Variants in DNAH9 observed in about 807,000 individuals in gnomAD.
The protein encoded by DNAH9 is DNAH9 variant protein.
In DNAH9, 345 loss-of-function variants were observed where a neutral mutation model predicts 471.6. The ratio of observed to expected loss-of-function variants is 0.73; its 90% CI spans 0.67 to 0.80. The LOEUF is 0.80. Among genes scored for constraint, DNAH9 ranks in the 30% least tolerant of loss-of-function variants. The probability of loss-of-function intolerance (pLI) is 0.00; values close to 1 mark genes in which losing one functional copy is unlikely to be tolerated. For missense variants in DNAH9, 5,407 were observed against 5,609.2 expected (o/e 0.96, Z 1.15); for synonymous variants, 2,093 against 2,123.6 (o/e 0.99, Z 0.40).
intron 35 of DNAH9, among the ~76,000 whole-genome samples, 173 bp from the exon 36 acceptor site, chr17:11,763,267 G>A (rs535223779): frequency 7.1e-4 from 108 of 152,152 alleles, no homozygotes; most frequent in South Asian, 2.3e-3. Flanking sequence ...GGAAGCTGGC[G>A]CGAGAACAGC....
Position 11,902,844 on chromosome 17 carries a change from C to G in DNAH9, c.11532C>G (p.Asn3844Lys). 1 of 1,614,008 alleles carries G rather than the reference C, an allele frequency of 6.2e-7. No homozygotes were observed. The highest frequency in any genetic ancestry group is 8.5e-7 in the Non-Finnish European group (1 of 1,179,876). Reference sequence around the variant, plus strand: ...AGAAGCTCCCACAGGAGTGGAAGAACAAGACAGCCCTGCAGCGCCTCTGCA... The same window carrying G: ...AGAAGCTCCCACAGGAGTGGAAGAAGAAGACAGCCCTGCAGCGCCTCTGCA... ...EKEKLPQEWK[N>K]KTALQRLCML... is the part of the protein sequence containing the mutation. The change falls in exon 60 of 69, where the codon AAC becomes AAG. Residue 3844 changes from asparagine to lysine, a missense_variant. Transcript: ENST00000262442.
At position 11,854,068 on chromosome 17, in the gene DNAH9, G is replaced by A. The variant is rs575939836; in HGVS notation, c.9573G>A (p.Ala3191=). 10 of 1,614,154 alleles carry A rather than the reference G, an allele frequency of 6.2e-6. No homozygotes were observed. The highest frequency in any genetic ancestry group is 4.0e-5 in the African/African-American group (3 of 75,024). ...PPLAVSNVSA[A]VMVLMAPRGR... ...TGGCCGTCAGCAATGTCAGCGCTGC[G>A]GTGATGGTACTGATGGCTCCCAGGG... Residue 3191 remains alanine, a synonymous_variant, in exon 50 of 69, where the codon GCG becomes GCA. Transcript: ENST00000262442.
chr17:11,894,956 C>G (rs1202990347), intron 59 of DNAH9, among the ~76,000 whole-genome samples: 1 of 152,172 alleles, frequency 6.6e-6, no homozygotes, highest in African/African-American at 2.4e-5. Context: ...CAGTTAATAA[C>G]AGCTCTTATC....
chr17:11,924,856 T>C (rs1974265901), intron 62 of DNAH9, among the ~76,000 whole-genome samples: 1 of 152,092 alleles, frequency 6.6e-6, no homozygotes, highest in African/African-American at 2.4e-5. Flanking sequence ...ACTTCAGAAC[T>C]CAAGTGATCT....
intron 67 of DNAH9, among the ~76,000 whole-genome samples, chr17:11,954,770 A>G (rs74661662): frequency 1.5e-5 from 1 of 64,922 alleles, no homozygotes; most frequent in Non-Finnish European, 3.7e-5. Flanking sequence ...ACTTCGTCTT[A>G]AAAAAAAAAA....
chr17:11,658,155 CG>C (rs956128436), intron 14 of DNAH9, among the ~76,000 whole-genome samples: 1 of 152,042 alleles, frequency 6.6e-6, no homozygotes, highest in African/African-American at 2.4e-5. Context: ...TTTATGAACC[CG>C]GCATATCTCT....
In DNAH9 at chr17:11,969,604, C is replaced by A; in HGVS notation, c.*77C>A. 8.6e-7 allele frequency: 1 copy of A among 1,162,468 alleles called. No individual in the cohort carries two copies. The highest frequency in any genetic ancestry group is 1.2e-6 in the Non-Finnish European group (1 of 838,032). The allele number at this position is 1,162,468 out of a possible 1,614,324, so 72.0% of individuals were successfully genotyped here. On this transcript the variant is annotated 3_prime_UTR_variant, in exon 69 of 69. Coordinates refer to ENST00000262442, the MANE Select transcript of DNAH9 (RefSeq NM_001372.4). ...AGAGGGACAGGTGGGTGAAGGGTCA[C>A]CACAGACACTTAGAACGGTAAGAAA...
chr17:11,958,111 A>T (rs1975757878), intron 67 of DNAH9, among the ~76,000 whole-genome samples: 1 of 152,198 alleles, frequency 6.6e-6, no homozygotes, highest in East Asian at 1.9e-4. Context: ...AAGCCATGAA[A>T]AGAAACAGAG....
chr17:11,791,254 C>T (rs1042997316), intron 41 of DNAH9, among the ~76,000 whole-genome samples: 1 of 152,096 alleles, frequency 6.6e-6, no homozygotes, highest in Non-Finnish European at 1.5e-5. Flanking sequence ...ACTTTGAAGG[C>T]TTCTTTTATT....
intron 12 of DNAH9, among the ~76,000 whole-genome samples, chr17:11,650,364 T>A (rs1420585424): frequency 6.6e-6 from 1 of 152,024 alleles, no homozygotes; most frequent in East Asian, 1.9e-4. Flanking sequence ...AAGAAGAGAG[T>A]GCCTGGAAAC....
chr17:11,690,366 T>A lies in DNAH9; in HGVS notation c.4544T>A (p.Val1515Glu). Reference protein sequence around the residue: ...VDAVISIWFEVQRTWTHLESI... With the variant: ...VDAVISIWFEEQRTWTHLESI... ...GCTGTCATCTCTATCTGGTTTGAAGTGCAGCGAACATGGACTCACCTGGAA... is the reference window on the plus strand; with the variant it reads ...GCTGTCATCTCTATCTGGTTTGAAGAGCAGCGAACATGGACTCACCTGGAA... The change falls in exon 20 of 69, where the codon GTG becomes GAG. Residue 1515 changes from valine (V) to glutamate (E), a missense_variant. This residue lies in a region of DNAH9 where 4,636 missense variants were observed against 4,900.3 expected (regional missense o/e 0.95). Coordinates refer to ENST00000262442, the MANE Select transcript of DNAH9 (RefSeq NM_001372.4). 1 of 1,614,150 alleles carries A rather than the reference T, an allele frequency of 6.2e-7. No homozygotes were observed. The highest frequency in any genetic ancestry group is 1.6e-4 in the Middle Eastern group (1 of 6,062).
chr17:11,650,036 T>C (rs138195084), intron 12 of DNAH9, among the ~76,000 whole-genome samples: 218 of 152,350 alleles, frequency 1.4e-3, no homozygotes, highest in African/African-American at 4.6e-3. Flanking sequence ...TTCCCTATTA[T>C]ATTAATAGCC....
chr17:11,690,816 C>T (rs941299604), intron 20 of DNAH9, among the ~76,000 whole-genome samples: 6 of 152,138 alleles, frequency 3.9e-5, no homozygotes, highest in African/African-American at 1.4e-4. Context: ...GTCTCGTTTC[C>T]AGGCAAATTC....
At chr17:11,912,702 C>G (rs1176039319) in intron 61 of DNAH9, among the ~76,000 whole-genome samples, 1 of 152,086 alleles carries the variant, frequency 6.6e-6, no homozygotes, top group East Asian at 1.9e-4. Context: ...TATTACTGGA[C>G]TCAATTTGCT....
At chr17:11,736,436 C>A (rs572517998) in intron 28 of DNAH9, among the ~76,000 whole-genome samples, 1 of 152,280 alleles carries the variant, frequency 6.6e-6, no homozygotes, top group African/African-American at 2.4e-5. Flanking sequence ...GCTGGGCTTG[C>A]ATTTAATCCA....
At chr17:11,844,167 C>G (rs1971133665) in intron 49 of DNAH9, among the ~76,000 whole-genome samples, 1 of 151,632 alleles carries the variant, frequency 6.6e-6, no homozygotes, top group Admixed American at 6.6e-5. Context: ...AAAGGTCTTT[C>G]TAAATGCAGA....
rs780569703 is a variant in DNAH9, at chr17:11,651,111, G to A, written c.2140G>A (p.Glu714Lys). ...LKEMSYLEPR[E>K]MKHMPETAAA... ...AGAAATGAGCTATCTTGAACCCAGA[G>A]AGATGAAACACATGCCTGAGACAGC... Residue 714 changes from glutamate to lysine, a missense_variant, in exon 13 of 69, where the codon GAG (glutamate) becomes AAG (lysine). By Grantham distance (56) the Glu-to-Lys change is moderately conservative. Coordinates refer to ENST00000262442, the MANE Select transcript of DNAH9 (RefSeq NM_001372.4). 1 of 1,614,156 alleles carries A rather than the reference G, an allele frequency of 6.2e-7. No homozygotes were observed. The highest frequency in any genetic ancestry group is 8.5e-7 in the Non-Finnish European group (1 of 1,180,020).
At position 11,763,453 on chromosome 17, in the gene DNAH9, A is replaced by G. The variant is rs1007949651; in HGVS notation, c.7009A>G (p.Ile2337Val). 6.2e-7 allele frequency: 1 copy of G among 1,614,042 alleles called. No homozygotes were observed. Among genetic ancestry groups the G allele is most frequent in the Admixed American group, 1.7e-5 (1 of 60,008 alleles). Reference protein sequence around the residue: ...DTLRTRFKKIIPIPEQSMVQM... With the variant: ...DTLRTRFKKIVPIPEQSMVQM... ...CTCTCTTTGCAGGTTTAAGAAGATC[A>G]TTCCCATCCCAGAGCAGAGCATGGT... The change falls in exon 36 of 69, where the codon ATT (isoleucine) becomes GTT (valine). Residue 2337 changes from isoleucine (I) to valine (V), a missense_variant. Physicochemically the swap from Ile to Val is conservative, Grantham distance 29. Coordinates refer to ENST00000262442, the MANE Select transcript of DNAH9 (RefSeq NM_001372.4).
chr17:11,616,698 T>C (rs1182251664), intron 4 of DNAH9, among the ~76,000 whole-genome samples: 5 of 152,176 alleles, frequency 3.3e-5, no homozygotes, highest in African/African-American at 1.2e-4. Context: ...TTAAAAAAAT[T>C]ATACTTTAAG....
Sources: allele counts gnomAD v4.1 joint callset (sites outside exome capture counted in the v4.1 genomes callset), GRCh38; gene constraint gnomAD v4.1.1; regional missense constraint gnomAD v4.1.1; transcripts MANE v1.5; gene names NCBI Gene and HGNC (gene_info 2026-07-23, HGNC 2026-07-21).